KIF1A: variants seen among roughly 807,000 people sequenced by gnomAD.
The protein encoded by KIF1A is kinesin-like protein KIF1A.
A neutral mutation model predicts 227.3 loss-of-function variants in KIF1A; 46 were observed. That is an observed-to-expected ratio of 0.20 (90% confidence interval 0.16 to 0.26). The LOEUF is 0.26. Among genes scored for constraint, KIF1A ranks in the 10% least tolerant of loss-of-function variants. The probability of loss-of-function intolerance (pLI) is 1.00; values close to 1 mark genes in which losing one functional copy is unlikely to be tolerated. For missense variants in KIF1A, 1,683 were observed against 2,485.9 expected, an observed-to-expected ratio of 0.68 and a Z score of 6.87; for synonymous variants, 1,022 against 1,012.8, an observed-to-expected ratio of 1.01 and a Z score of -0.17.
rs1479071196 is a variant in KIF1A, at chr2:240,758,073, T to C, written c.2582+287A>G. On this transcript the variant is annotated intron_variant, in intron 26 of 48. Transcript: ENST00000498729. This position sits in a 1 kb window ranked among gnomAD's most constrained non-coding sequence, Gnocchi z 5.2. ...GGAAAGTTTGCTTGGGAGCCTCACA[T>C]ATTCATACACATGGACCCATGGGTT... is the stretch of plus-strand genomic sequence containing the variant. Among the ~76,000 whole-genome samples, 1 of 152,178 alleles carries C rather than the reference T, an allele frequency of 6.6e-6. No homozygotes were observed.
rs2046986242 is a variant in KIF1A, at chr2:240,733,460, T to A, written c.4007+3603A>T. Among the ~76,000 whole-genome samples the A allele has an allele frequency of 2.0e-5, 3 of 152,150 alleles. No homozygotes were observed. The South Asian group carries it at 6.2e-4, about 31-fold the overall frequency. ...CATCACAGGGGTCCCTTGACAGGGT[T>A]TCTGCTGCATCCAGGTCCCCAGGGA... On this transcript the variant is annotated intron_variant, in intron 38 of 48. Coordinates refer to ENST00000498729, the MANE Select transcript of KIF1A (RefSeq NM_001244008.2).
chr2:240,737,440 G>A (rs914906036), intron 37 of KIF1A: 2 of 261,614 alleles, frequency 7.6e-6, no homozygotes, highest in Admixed American at 4.5e-5. Context: ...CAGGTGCTTA[G>A]CCTGGAAACC....
At chr2:240,744,372 G>A (rs1012871776) in intron 32 of KIF1A, among the ~76,000 whole-genome samples, 22 of 152,318 alleles carry the variant, frequency 1.4e-4, no homozygotes, top group African/African-American at 5.1e-4. Context: ...GGTCTCTTCA[G>A]GACTCCCCTT....
chr2:240,755,208 T>A (rs1333389152), intron 27 of KIF1A, among the ~76,000 whole-genome samples: 1 of 152,142 alleles, frequency 6.6e-6, no homozygotes, highest in Non-Finnish European at 1.5e-5. Context: ...GACCCTGGCC[T>A]TGGGTGAGGA....
At chr2:240,785,723 G>C (rs1232822094) in intron 6 of KIF1A, among the ~76,000 whole-genome samples, 2 of 152,226 alleles carry the variant, frequency 1.3e-5, no homozygotes, top group Non-Finnish European at 2.9e-5. Flanking sequence ...GGCCTCATCA[G>C]GAACAGCACC....
chr2:240,761,171 A>C, intron 24 of KIF1A, 58 bp downstream of exon 24: 3 of 1,545,292 alleles, frequency 1.9e-6, no homozygotes, highest in Non-Finnish European at 1.8e-6. Context: ...TGTCCCCGTC[A>C]TGAGTGAGGT....
intron 27 of KIF1A, among the ~76,000 whole-genome samples, chr2:240,751,088 G>A (rs1278503327): frequency 1.3e-5 from 2 of 152,110 alleles, no homozygotes; most frequent in Non-Finnish European, 2.9e-5. Context: ...GGGAGGTGCT[G>A]AATGGAGCCC....
chr2:240,775,500 G>T lies in KIF1A; in HGVS notation c.958+351C>A, dbSNP rs981729473. ...CCAGCAAGCAGAGCTCCCAGATCGC[G>T]TCCCAGGTCCCCGTGACTGATGGGG... On this transcript the variant is annotated intron_variant, in intron 11 of 48. Coordinates refer to ENST00000498729, the MANE Select transcript of KIF1A (RefSeq NM_001244008.2). This position sits in a 1 kb window ranked among gnomAD's most constrained non-coding sequence, Gnocchi z 5.5. Among the ~76,000 whole-genome samples, 1 of 152,200 alleles carries T rather than the reference G, an allele frequency of 6.6e-6. No individual in the cohort carries two copies. The highest frequency in any genetic ancestry group is 1.5e-5 in the Non-Finnish European group (1 of 68,026).
At position 240,726,856 on chromosome 2, in the gene KIF1A, T is replaced by A. The variant is rs1424190456; in HGVS notation, c.4092A>T (p.Lys1364Asn). ...LLNRVTPYRE[K>N]IYMTLSAYIE... is the part of the protein sequence containing the mutation. ...TATAAGCGGAGAGTGTCATGTAGAT[T>A]TTCTCTCGATAAGGGGTGACCCGGT... Residue 1364 changes from lysine (K) to asparagine (N), a missense_variant, in exon 39 of 49, where the codon AAA becomes AAT. Physicochemically the swap from Lys to Asn is moderately conservative, Grantham distance 94 (BLOSUM62 0). Transcript: ENST00000498729. This position sits in a 1 kb window ranked among gnomAD's most constrained non-coding sequence, Gnocchi z 5.2. 6.2e-7 allele frequency: 1 copy of A among 1,612,222 alleles called. No individual in the cohort carries two copies. The highest frequency in any genetic ancestry group is 1.3e-5 in the African/African-American group (1 of 75,012).
At position 240,767,342 on chromosome 2, in the gene KIF1A, G is replaced by C; in HGVS notation, c.1501C>G (p.Pro501Ala). 1 of 1,613,116 alleles carries C rather than the reference G, an allele frequency of 6.2e-7. No individual in the cohort carries two copies. The change falls in exon 18 of 49, where the codon CCA becomes GCA. Residue 501 changes from proline to alanine, a missense_variant. This residue lies in a region of KIF1A where 217 missense variants were observed against 427.0 expected (regional missense o/e 0.51). Transcript: ENST00000498729. ...TCCTCGTTCAGGTTGACGAGGTGTGGTGTCTGCAGGGAGACAGGAGGATCA... is the reference window on the plus strand; with the variant it reads ...TCCTCGTTCAGGTTGACGAGGTGTGCTGTCTGCAGGGAGACAGGAGGATCA... ...TLGVFSPKKT[P>A]HLVNLNEDPL...
In KIF1A at chr2:240,801,310, T is replaced by TA. The variant is rs60783171; in HGVS notation, c.-60-3499dup. 1.4e-4 allele frequency among the ~76,000 whole-genome samples: 21 copies of TA among 147,772 alleles called. 1 individual carries two copies. The highest frequency in any genetic ancestry group is 1.3e-3 in the South Asian group (6 of 4,632). Reference sequence around the variant, plus strand: ...AATTTTTCCAGAGGACTGGAAACTATAAAAAAAAAAATCAAATGGAAATGC... The same window carrying TA: ...AATTTTTCCAGAGGACTGGAAACTATAAAAAAAAAAAATCAAATGGAAATGC... On this transcript the variant is annotated intron_variant, in intron 1 of 48. Coordinates refer to ENST00000498729, the MANE Select transcript of KIF1A (RefSeq NM_001244008.2).
At chr2:240,779,431 CACTTCCTCACTCAGCTCCTCAT>C (rs2053272526) in intron 10 of KIF1A, among the ~76,000 whole-genome samples, 4 of 148,960 alleles carry the variant, frequency 2.7e-5, no homozygotes, top group African/African-American at 7.8e-5. Context: ...GGTCCTCACT[CACTTCCTCACTCAGCTCCTCAT>C]AGTTCCACAC....
Position 240,717,114 on chromosome 2 carries a change from G to GC in KIF1A, c.*249dup, listed in dbSNP as rs886055835. ...AGAACCCCCGTAACCTGTGCCCTTG[G>GC]CCCCCCCAGCCTCTCCCAACTTGTT... is the stretch of plus-strand genomic sequence containing the variant. On this transcript the variant is annotated 3_prime_UTR_variant, in exon 49 of 49. Coordinates refer to ENST00000498729, the MANE Select transcript of KIF1A (RefSeq NM_001244008.2). 2.1e-4 allele frequency: 100 copies of GC among 469,072 alleles called. No homozygotes were observed. The highest frequency in any genetic ancestry group is 9.1e-4 in the South Asian group (19 of 20,818). The allele number at this position is 469,072 out of a possible 1,614,324, so 29.1% of individuals were successfully genotyped here.
intron 47 of KIF1A, 72 bp from the exon 48 acceptor site, chr2:240,718,240 G>T: frequency 2.8e-6 from 3 of 1,058,466 alleles, no homozygotes; most frequent in East Asian, 2.6e-5. Flanking sequence ...GCTCCCCAGG[G>T]CCCAGGCAGG....
chr2:240,742,921 C>T lies in KIF1A; in HGVS notation c.3640+8G>A, dbSNP rs749612286. 3.7e-6 allele frequency: 6 copies of T among 1,610,372 alleles called. No individual in the cohort carries two copies. The highest frequency in any genetic ancestry group is 5.1e-6 in the Non-Finnish European group (6 of 1,178,534). ...CTGCCCTGAGACGGCTCCAGAGACC[C>T]TTCCTACCTGGCTTGGACAGTGGCA... On this transcript the variant is annotated splice_region_variant and intron_variant, in intron 34 of 48. Coordinates refer to ENST00000498729, the MANE Select transcript of KIF1A (RefSeq NM_001244008.2).
chr2:240,798,943 G>C (rs1445515475), intron 1 of KIF1A, among the ~76,000 whole-genome samples: 2 of 152,078 alleles, frequency 1.3e-5, no homozygotes, highest in Non-Finnish European at 2.9e-5. Context: ...TAGAGCAAAG[G>C]CTGGGAGGCC....
At chr2:240,779,486 ACTCAGTTCCACACT>A in intron 10 of KIF1A, among the ~76,000 whole-genome samples, 1 of 125,524 alleles carries the variant, frequency 8.0e-6, no homozygotes, top group Middle Eastern at 5.4e-3. Context: ...TCAGTTCCTC[ACTCAGTTCCACACT>A]CAGTTCCACA....
intron 38 of KIF1A, among the ~76,000 whole-genome samples, chr2:240,729,448 C>A (rs1009422263): frequency 6.6e-6 from 1 of 152,244 alleles, no homozygotes; most frequent in African/African-American, 2.4e-5. Flanking sequence ...CCAGCCCAGG[C>A]ACTCCTCATT....
chr2:240,785,850 G>A (rs2054672182), intron 6 of KIF1A, among the ~76,000 whole-genome samples: 3 of 152,184 alleles, frequency 2.0e-5, no homozygotes, highest in African/African-American at 7.2e-5. Context: ...GGAAGTCCCG[G>A]GTGGCAGAGG....
Sources: allele counts gnomAD v4.1 joint callset (sites outside exome capture counted in the v4.1 genomes callset), GRCh38; gene constraint gnomAD v4.1.1; regional missense constraint gnomAD v4.1.1; non-coding constraint Gnocchi (gnomAD v3.1); transcripts MANE v1.5; gene names NCBI Gene and HGNC (gene_info 2026-07-23, HGNC 2026-07-21).